RASSF1: variants seen among roughly 807,000 people sequenced by gnomAD.
The protein encoded by RASSF1 is ras association domain-containing protein 1.
RASSF1 carries 33 observed loss-of-function variants against 34.3 expected under a neutral mutation model. The observed-to-expected ratio is 0.96, with a 90% CI of 0.73 to 1.29. RASSF1 has a LOEUF of 1.29. Among genes scored for constraint, RASSF1 ranks in the 50% most tolerant of loss-of-function variants. The pLI is 0.00. For synonymous variants in RASSF1, 191 were observed against 195.0 expected, an observed-to-expected ratio of 0.98 and a Z score of 0.17; for missense variants, 445 against 471.8, an observed-to-expected ratio of 0.94 and a Z score of 0.53.
chr3:50,337,727 C>T (rs1703210145), intron 2 of RASSF1, 178 bp downstream of exon 2: 3 of 851,444 alleles, frequency 3.5e-6, no homozygotes, highest in African/African-American at 1.7e-5. Flanking sequence ...GGAGTACTTG[C>T]GGAGCCGGCA....
intron 2 of RASSF1, among the ~76,000 whole-genome samples, chr3:50,332,882 G>A (rs934009418): frequency 1.3e-5 from 2 of 152,058 alleles, no homozygotes; most frequent in African/African-American, 2.4e-5. Context: ...ATCACCTGAG[G>A]TCAGGAGTTT....
At chr3:50,337,075 G>C in intron 2 of RASSF1, 1 of 1,400,068 alleles carries the variant, frequency 7.1e-7, no homozygotes, top group East Asian at 2.6e-5. Context: ...CCAGGAGGGT[G>C]GGGCTGCCCA....
At chr3:50,333,480 ATT>A (rs112501291) in intron 2 of RASSF1, among the ~76,000 whole-genome samples, 4 of 145,030 alleles carry the variant, frequency 2.8e-5, no homozygotes, top group African/African-American at 2.5e-5. Context: ...TGGCCCAAAG[ATT>A]TTTTTTTTTT....
At chr3:50,337,797 G>T in intron 2 of RASSF1, 108 bp downstream of exon 2, 1 of 1,167,978 alleles carries the variant, frequency 8.6e-7, no homozygotes, top group Non-Finnish European at 1.2e-6. Flanking sequence ...CCGGGAAATC[G>T]GCAATTAGAA....
In RASSF1 at chr3:50,330,518, A is replaced by G; in HGVS notation, c.*63T>C. ...TTCCACAGGCCCCACTGGCCCTGTC[A>G]CACTCACACGGCACGCACTTGGCGC... On this transcript the variant is annotated 3_prime_UTR_variant, in exon 6 of 6. Coordinates refer to ENST00000359365, the MANE Select transcript of RASSF1 (RefSeq NM_007182.5). This position sits in a 1 kb window ranked among gnomAD's most constrained non-coding sequence, Gnocchi z 4.5. 1 of 1,592,120 alleles carries G rather than the reference A, an allele frequency of 6.3e-7. No homozygotes were observed. Among genetic ancestry groups the G allele is most frequent in the Non-Finnish European group, 8.6e-7 (1 of 1,164,646 alleles).
rs1304919441 is a variant in RASSF1 at position 50,337,492 on chromosome 3, C to T, written c.357+413G>A. ...GGATCTAGCTCTTGTCTCATTGGGG[C>T]AGGAACGCCGGGGCGGGGACACGCA... is the stretch of plus-strand genomic sequence containing the variant. On this transcript the variant is annotated intron_variant, in intron 2 of 5. Transcript: ENST00000359365. 9 of 1,536,622 alleles carry T rather than the reference C, an allele frequency of 5.9e-6. No individual in the cohort carries two copies. The South Asian group carries it at 9.5e-5, about 16-fold the overall frequency.
intron 1 of RASSF1, 116 bp from the exon 2 acceptor site, chr3:50,338,127 T>A (rs1440811755): frequency 4.7e-6 from 7 of 1,485,790 alleles, no homozygotes. Context: ...AGGCCCGACC[T>A]ATCTCAGTGG....
At position 50,332,063 on chromosome 3, in the gene RASSF1, AGGTTGCTGTTGATCTGGGCATTGTAC is replaced by A. The variant is rs751852437; in HGVS notation, c.423_448del (p.Glu141AspfsTer75). 2 of 1,614,038 alleles carry A rather than the reference AGGTTGCTGTTGATCTGGGCATTGTAC, an allele frequency of 1.2e-6. No individual in the cohort carries two copies. The highest frequency in any genetic ancestry group is 1.7e-6 in the Non-Finnish European group (2 of 1,179,966). On this transcript the variant is annotated frameshift_variant, in exon 3 of 6. Coordinates refer to ENST00000359365, the MANE Select transcript of RASSF1 (RefSeq NM_007182.5). LOFTEE classifies it high-confidence loss of function. The stretch of plus-strand genomic sequence containing the variant: ...CAGTCAACTCACCAAGCTCATGAAG[AGGTTGCTGTTGATCTGGGCATTGTAC>A]TCCTTGATCTTCTGCTCAATCTCAG...
chr3:50,337,619 A>G (rs1336157267), intron 2 of RASSF1: 1 of 1,100,654 alleles, frequency 9.1e-7, no homozygotes, highest in African/African-American at 1.6e-5. Flanking sequence ...GCAAGCGCAC[A>G]AGAGTGGCCT....
chr3:50,331,233 G>GA, intron 5 of RASSF1, 101 bp downstream of exon 5: 1 of 951,174 alleles, frequency 1.1e-6, no homozygotes, highest in Non-Finnish European at 1.5e-6. Context: ...CTGTTTTGCA[G>GA]GGCTTGTCTT....
chr3:50,334,861 A>AG (rs1415318478), intron 2 of RASSF1, among the ~76,000 whole-genome samples: 1 of 152,174 alleles, frequency 6.6e-6, no homozygotes, highest in African/African-American at 2.4e-5. Context: ...GGATTTCAAC[A>AG]GCCATCCCAG....
At position 50,330,507 on chromosome 3, in the gene RASSF1, C is replaced by T; in HGVS notation, c.*74G>A. ...ATGCACACTCATTCCACAGGCCCCA[C>T]TGGCCCTGTCACACTCACACGGCAC... is the stretch of plus-strand genomic sequence containing the variant. On this transcript the variant is annotated 3_prime_UTR_variant, in exon 6 of 6. Coordinates refer to ENST00000359365, the MANE Select transcript of RASSF1 (RefSeq NM_007182.5). The surrounding 1 kb of genome is among the most constrained non-coding windows in gnomAD (Gnocchi z 4.5). 1.9e-6 allele frequency: 3 copies of T among 1,565,332 alleles called. No homozygotes were observed. Among genetic ancestry groups the T allele is most frequent in the Admixed American group, 1.7e-5 (1 of 58,960 alleles).
At chr3:50,339,745 G>A (rs587625922) in intron 1 of RASSF1, among the ~76,000 whole-genome samples, 2 of 152,308 alleles carry the variant, frequency 1.3e-5, no homozygotes, top group African/African-American at 4.8e-5. Context: ...TGTACCGGAT[G>A]AGAGGGTCTC....
chr3:50,337,161 C>T (rs587753339), intron 2 of RASSF1: 3 of 1,604,572 alleles, frequency 1.9e-6, no homozygotes, highest in East Asian at 4.5e-5. Flanking sequence ...GCCGGCACCC[C>T]CTGGCTCCCA....
At position 50,330,860 on chromosome 3, in the gene RASSF1, A is replaced by T; in HGVS notation, c.877-133T>A. The T allele has an allele frequency of 9.3e-7, 1 of 1,069,672 alleles. No individual in the cohort carries two copies. The highest frequency in any genetic ancestry group is 1.6e-5 in the South Asian group (1 of 62,130). The allele number at this position is 1,069,672 out of a possible 1,614,324, so 66.3% of individuals were successfully genotyped here. ...CTTTCTGATGTCAGGCTCTTGGCTG[A>T]ATGATCTCTGGTAGGATCCCTGACA... On this transcript the variant is annotated intron_variant, in intron 5 of 5. Transcript: ENST00000359365. The surrounding 1 kb of genome is among the most constrained non-coding windows in gnomAD (Gnocchi z 4.5).
In RASSF1 at chr3:50,330,228, C is replaced by G; in HGVS notation, c.*353G>C. 1 of 221,432 alleles carries G rather than the reference C, an allele frequency of 4.5e-6. No homozygotes were observed. 13.7% of individuals were successfully genotyped at this position (221,432 alleles called of 1,614,324 possible). A position where few individuals can be genotyped will look rare whatever the true frequency, so the allele number is the denominator to read the frequency against. ...TCCTCATAGATGAGGGCCGTCACCC[C>G]TGCAAACATGACCCTGTTCTGTTTG... On this transcript the variant is annotated 3_prime_UTR_variant, in exon 6 of 6. Transcript: ENST00000359365. The surrounding 1 kb of genome is among the most constrained non-coding windows in gnomAD (Gnocchi z 4.5).
intron 3 of RASSF1, 44 bp from the exon 4 acceptor site, chr3:50,331,900 G>A (rs759940318): frequency 2.3e-5 from 36 of 1,548,602 alleles, no homozygotes; most frequent in Non-Finnish European, 3.1e-5. Context: ...GGTTCCAGGT[G>A]AGATGTCAGT....
At chr3:50,337,505 G>T (rs1175161108) in intron 2 of RASSF1, 2 of 1,529,544 alleles carry the variant, frequency 1.3e-6, no homozygotes, top group East Asian at 4.9e-5. Context: ...GAACGCCGGG[G>T]CGGGGACACG....
chr3:50,330,699 T>C lies in RASSF1; in HGVS notation c.905A>G (p.His302Arg), dbSNP rs782713373. Residue 302 changes from histidine (H) to arginine (R), a missense_variant, in exon 6 of 6, where the codon CAT (histidine) becomes CGT (arginine). Physicochemically the swap from His to Arg is conservative, Grantham distance 29. Coordinates refer to ENST00000359365, the MANE Select transcript of RASSF1 (RefSeq NM_007182.5). This position sits in a 1 kb window ranked among gnomAD's most constrained non-coding sequence, Gnocchi z 4.5. ...CCGCTGCAGGATACGTAGGAAGTTA[T>C]GTAGTTCAGGCATGCTGAAGGCGTC... ...NWDAFSMPEL[H>R]NFLRILQREE... 2.5e-6 allele frequency: 4 copies of C among 1,614,050 alleles called. No homozygotes were observed. Among genetic ancestry groups the C allele is most frequent in the East Asian group, 2.2e-5 (1 of 44,886 alleles).
Sources: gnomAD v4.1 joint callset for allele counts (sites outside exome capture counted in the v4.1 genomes callset) on GRCh38, gnomAD v4.1.1 for gene constraint, Gnocchi (gnomAD v3.1) non-coding constraint, MANE v1.5 for transcripts, NCBI Gene and HGNC (gene_info 2026-07-23, HGNC 2026-07-21) for gene names.